The following NBAS variants were observed in gnomAD, a reference collection of about 807,000 sequenced individuals.
NBAS encodes the protein NBAS subunit of NRZ tethering complex, also known as NAG/BC035112 fusion.
NBAS carries 219 observed loss-of-function variants against 302.5 expected under a neutral mutation model. That is an observed-to-expected ratio of 0.72 (90% confidence interval 0.65 to 0.81). The LOEUF (loss-of-function observed/expected upper bound fraction) is 0.81, where lower values mean the gene tolerates loss of function less well. NBAS is among the 30% of genes least tolerant of loss of function. NBAS has a pLI of 0.00. For synonymous variants in NBAS, 1,118 were observed against 1,021.6 expected, an observed-to-expected ratio of 1.09 and a Z score of -1.80; for missense variants, 2,932 against 2,841.6, an observed-to-expected ratio of 1.03 and a Z score of -0.72.
chr2:14,968,415 T>C, the NBAS span, among the ~76,000 whole-genome samples: 3 of 152,148 alleles, frequency 2.0e-5, no homozygotes, highest in Non-Finnish European at 4.4e-5. Flanking sequence ...TTTTTTTTGT[T>C]TGGTTGGCTT....
At chr2:15,283,552 C>T (rs959063263) in intron 42 of NBAS, among the ~76,000 whole-genome samples, 12 of 152,152 alleles carry the variant, frequency 7.9e-5, no homozygotes, top group Admixed American at 2.6e-4. Flanking sequence ...CTTCGTCTTT[C>T]GCCATGATTG....
At chr2:14,840,402 A>G in the NBAS span, among the ~76,000 whole-genome samples, 7 of 152,080 alleles carry the variant, frequency 4.6e-5, no homozygotes, top group Non-Finnish European at 1.0e-4. Context: ...CCAAACCTTG[A>G]TAAACAGAGA....
the NBAS span, among the ~76,000 whole-genome samples, chr2:15,072,001 T>C: frequency 2.4e-4 from 36 of 152,356 alleles, no homozygotes; most frequent in Admixed American, 1.4e-3. Flanking sequence ...GGATGAATAT[T>C]CACACAAATT....
At chr2:15,324,444 A>T (rs567007805) in intron 38 of NBAS, among the ~76,000 whole-genome samples, 4 of 152,226 alleles carry the variant, frequency 2.6e-5, no homozygotes, top group African/African-American at 9.6e-5. Flanking sequence ...TCTTCCTAAA[A>T]TATCCCATTT....
the NBAS span, among the ~76,000 whole-genome samples, chr2:14,784,860 T>A: frequency 6.6e-6 from 1 of 152,168 alleles, no homozygotes; most frequent in South Asian, 2.1e-4. Flanking sequence ...GTGAAGAAAG[T>A]CATTGGTAGC....
At chr2:15,511,071 A>G in intron 10 of NBAS, 141 bp downstream of exon 10, 2 of 1,072,500 alleles carry the variant, frequency 1.9e-6, no homozygotes, top group Non-Finnish European at 2.7e-6. Context: ...AAGAAATAAA[A>G]TTATACCAGC....
the NBAS span, among the ~76,000 whole-genome samples, chr2:14,829,893 T>A: frequency 6.6e-6 from 1 of 152,156 alleles, no homozygotes; most frequent in Non-Finnish European, 1.5e-5. Context: ...TTTTGGAAAA[T>A]TTTTAAAATT....
intron 48 of NBAS, among the ~76,000 whole-genome samples, chr2:15,217,115 A>C (rs1175727808): frequency 6.6e-6 from 1 of 152,218 alleles, no homozygotes; most frequent in Non-Finnish European, 1.5e-5. Flanking sequence ...CTTGTGGCCT[A>C]TGCCTTCGTG....
chr2:14,815,694 C>A, the NBAS span, among the ~76,000 whole-genome samples: 20 of 152,248 alleles, frequency 1.3e-4, no homozygotes, highest in African/African-American at 4.3e-4. Flanking sequence ...GTGCTCTAGA[C>A]CCTTCCTATT....
chr2:14,996,033 C>G, the NBAS span, among the ~76,000 whole-genome samples: 1 of 152,158 alleles, frequency 6.6e-6, no homozygotes, highest in Admixed American at 6.5e-5. Context: ...GTTCAGAAGT[C>G]AGTGAGTTGG....
chr2:15,068,989 G>A, the NBAS span, among the ~76,000 whole-genome samples: 6 of 152,062 alleles, frequency 3.9e-5, no homozygotes, highest in Non-Finnish European at 5.9e-5. Flanking sequence ...TGGTTGGGGG[G>A]GCTTAGCATG....
intron 38 of NBAS, among the ~76,000 whole-genome samples, chr2:15,325,767 T>C (rs1208083056): frequency 6.6e-6 from 1 of 152,206 alleles, no homozygotes; most frequent in African/African-American, 2.4e-5. Flanking sequence ...TCAAGAACTT[T>C]TCCTCTGCAT....
In NBAS at chr2:15,235,282, G is replaced by C. The variant is rs139047850; in HGVS notation, c.5944-535C>G. Among the ~76,000 whole-genome samples, 84 of 152,318 alleles carry C rather than the reference G, an allele frequency of 5.5e-4. No homozygotes were observed. The East Asian group carries it at 0.015, about 27-fold the overall frequency. ...AAGGAAATTAAAGACCAAGGAGATT[G>C]AGTAACATGACCAAAGTCACATGGC... On this transcript the variant is annotated intron_variant, in intron 45 of 51. Transcript: ENST00000281513.
At chr2:14,895,582 C>CA in the NBAS span, among the ~76,000 whole-genome samples, 1 of 151,884 alleles carries the variant, frequency 6.6e-6, no homozygotes, top group Non-Finnish European at 1.5e-5. Context: ...ACTAAAAATA[C>CA]AAAAAAATTA....
At chr2:15,291,257 T>A (rs570019523) in intron 41 of NBAS, among the ~76,000 whole-genome samples, 3 of 152,232 alleles carry the variant, frequency 2.0e-5, no homozygotes, top group Non-Finnish European at 4.4e-5. Context: ...TCACCATCTA[T>A]GGAACTTAGG....
intron 15 of NBAS, 109 bp from the exon 16 acceptor site, chr2:15,473,456 A>C: frequency 7.1e-7 from 1 of 1,408,322 alleles, no homozygotes; most frequent in Non-Finnish European, 9.8e-7. Flanking sequence ...CCAGCATGTC[A>C]CTAATTCCTG....
At chr2:15,060,319 C>T in the NBAS span, among the ~76,000 whole-genome samples, 1 of 152,150 alleles carries the variant, frequency 6.6e-6, no homozygotes, top group Non-Finnish European at 1.5e-5. Context: ...CCATGCAGCT[C>T]GAGTCTCAGG....
chr2:15,556,927 T>TAA, intron 2 of NBAS, 108 bp from the exon 3 acceptor site: 1 of 838,964 alleles, frequency 1.2e-6, no homozygotes, highest in Non-Finnish European at 2.0e-6. Flanking sequence ...AGCGAGTCAT[T>TAA]AAAAAAAATA....
chr2:15,455,488 T>C (rs1679209156), intron 21 of NBAS, among the ~76,000 whole-genome samples: 1 of 152,138 alleles, frequency 6.6e-6, no homozygotes, highest in South Asian at 2.1e-4. Flanking sequence ...CTGTTCTGTG[T>C]ACATATTCCA....
Sources: gnomAD v4.1 joint callset for allele counts (sites outside exome capture counted in the v4.1 genomes callset) on GRCh38, gnomAD v4.1.1 for gene constraint, MANE v1.5 for transcripts, NCBI Gene and HGNC (gene_info 2026-07-23, HGNC 2026-07-21) for gene names.